The following NXPE2 variants were observed in gnomAD, a reference collection of about 807,000 sequenced individuals.
NXPE2 encodes the protein neurexophilin and PC-esterase domain family member 2.
Under a neutral mutation model 34.4 loss-of-function variants are expected in NXPE2, and 34 were observed. The ratio of observed to expected loss-of-function variants is 0.99; its 90% confidence interval spans 0.75 to 1.31. The LOEUF (loss-of-function observed/expected upper bound fraction) is 1.31. NXPE2 is among the 40% of genes most tolerant of loss of function. The pLI is 0.00. For synonymous variants in NXPE2, 235 were observed against 231.3 expected, an observed-to-expected ratio of 1.02 and a Z score of -0.15; for missense variants, 649 against 672.5, an observed-to-expected ratio of 0.97 and a Z score of 0.39.
At chr11:114,731,043 G>A in the NXPE2 span, among the ~76,000 whole-genome samples, 1 of 133,186 alleles carries the variant, frequency 7.5e-6, no homozygotes, top group Non-Finnish European at 1.6e-5. Context: ...GTCATAGATG[G>A]CTGTTATTAT....
chr11:114,631,064 A>C, the NXPE2 span, among the ~76,000 whole-genome samples: 2 of 151,780 alleles, frequency 1.3e-5, no homozygotes, highest in Non-Finnish European at 2.9e-5. Context: ...GAACACTTTT[A>C]CACTGTTGGT....
chr11:114,620,293 G>A, the NXPE2 span, among the ~76,000 whole-genome samples: 8 of 152,010 alleles, frequency 5.3e-5, no homozygotes, highest in Non-Finnish European at 8.8e-5. Flanking sequence ...AATAAGTAAT[G>A]CCTCGTGGGT....
At chr11:114,652,313 C>G in the NXPE2 span, among the ~76,000 whole-genome samples, 2 of 152,176 alleles carry the variant, frequency 1.3e-5, no homozygotes, top group East Asian at 1.9e-4. Context: ...TTCCTTCCTA[C>G]CCCTTTGGAA....
At chr11:114,464,394 C>A in the NXPE2 span, among the ~76,000 whole-genome samples, 1 of 152,178 alleles carries the variant, frequency 6.6e-6, no homozygotes, top group Non-Finnish European at 1.5e-5. Context: ...TGACCATCCT[C>A]AACCTACAAT....
chr11:114,719,891 C>G, the NXPE2 span, among the ~76,000 whole-genome samples: 1 of 152,204 alleles, frequency 6.6e-6, no homozygotes, highest in Non-Finnish European at 1.5e-5. Context: ...CCTCCTAACA[C>G]TTGCTTGGTT....
chr11:114,649,781 A>C, the NXPE2 span, among the ~76,000 whole-genome samples: 1 of 152,198 alleles, frequency 6.6e-6, no homozygotes, highest in Non-Finnish European at 1.5e-5. Context: ...CCTCCAGAAT[A>C]GACTTTCTGC....
chr11:114,601,694 T>TATA, the NXPE2 span, among the ~76,000 whole-genome samples: 1 of 68,554 alleles, frequency 1.5e-5, no homozygotes, highest in African/African-American at 6.8e-5. Flanking sequence ...TTATATATAT[T>TATA]TATAATTCTT....
the NXPE2 span, chr11:114,583,982 G>A: frequency 2.7e-6 from 1 of 373,662 alleles, no homozygotes; most frequent in Non-Finnish European, 5.2e-6. Context: ...TTTCAAACTG[G>A]TCATGTCCAA....
At chr11:114,467,357 A>G in the NXPE2 span, among the ~76,000 whole-genome samples, 73,012 of 152,006 alleles carry the variant, frequency 0.48, 18,106 homozygotes, top group African/African-American at 0.59. Flanking sequence ...TTTTGACTGA[A>G]AAAAGCCAAA....
chr11:114,795,504 A>G, the NXPE2 span, among the ~76,000 whole-genome samples: 3 of 152,252 alleles, frequency 2.0e-5, no homozygotes, highest in African/African-American at 4.8e-5. Flanking sequence ...CCCAGTTTCC[A>G]ACTTTGGATT....
the NXPE2 span, among the ~76,000 whole-genome samples, chr11:114,715,381 C>T: frequency 6.6e-6 from 1 of 152,144 alleles, no homozygotes; most frequent in Non-Finnish European, 1.5e-5. Context: ...TGAAAAGAAG[C>T]TCTTCTCTTT....
At chr11:114,573,828 A>G in the NXPE2 span, among the ~76,000 whole-genome samples, 1 of 152,106 alleles carries the variant, frequency 6.6e-6, no homozygotes, top group Non-Finnish European at 1.5e-5. Flanking sequence ...ACAAAGAAAT[A>G]ATGGACTTAA....
At chr11:114,513,226 C>T in the NXPE2 span, 11 of 528,650 alleles carry the variant, frequency 2.1e-5, no homozygotes, top group African/African-American at 3.8e-5. Flanking sequence ...TCCTGTAGTG[C>T]GTGTCTCGAG....
At chr11:114,472,418 A>T in the NXPE2 span, among the ~76,000 whole-genome samples, 2 of 152,128 alleles carry the variant, frequency 1.3e-5, no homozygotes, top group African/African-American at 2.4e-5. Flanking sequence ...AAAATCTTAT[A>T]ATGTTTTAAG....
chr11:114,794,739 G>T, the NXPE2 span, among the ~76,000 whole-genome samples: 1 of 152,124 alleles, frequency 6.6e-6, no homozygotes, highest in African/African-American at 2.4e-5. Flanking sequence ...CACTCATGGG[G>T]AATCTTTAAA....
At chr11:114,595,982 A>G in the NXPE2 span, among the ~76,000 whole-genome samples, 5 of 152,210 alleles carry the variant, frequency 3.3e-5, no homozygotes, top group African/African-American at 1.2e-4. Context: ...AAATAATTGT[A>G]TTTAGTTAAT....
the NXPE2 span, chr11:114,594,781 A>T: frequency 1.6e-6 from 2 of 1,271,980 alleles, no homozygotes. Flanking sequence ...TACAAGAGAC[A>T]ATACAAAAAC....
the NXPE2 span, among the ~76,000 whole-genome samples, chr11:114,556,956 T>A: frequency 6.6e-6 from 1 of 151,388 alleles, no homozygotes; most frequent in Admixed American, 6.6e-5. Flanking sequence ...GCAGTGGCAC[T>A]ATCTTGGCTC....
chr11:114,530,888 T>A, the NXPE2 span: 6 of 1,611,780 alleles, frequency 3.7e-6, no homozygotes, highest in African/African-American at 8.0e-5. Context: ...CAGAGATGGA[T>A]AAGTTTAGAG....
Sources: allele counts gnomAD v4.1 joint callset (sites outside exome capture counted in the v4.1 genomes callset), GRCh38; gene constraint gnomAD v4.1.1; transcripts MANE v1.5; gene names NCBI Gene and HGNC (gene_info 2026-07-23, HGNC 2026-07-21).